CIMAP1D: variants seen among roughly 807,000 people sequenced by gnomAD.
The protein encoded by CIMAP1D is CIMAP1 family member D.
At chr19:477,080 G>A in the CIMAP1D span, among the ~76,000 whole-genome samples, 1 of 152,172 alleles carries the variant, frequency 6.6e-6, no homozygotes, top group Non-Finnish European at 1.5e-5. Context: ...GGTGGTGTGT[G>A]CCTGTAATCC....
chr19:486,132 C>A, the CIMAP1D span, among the ~76,000 whole-genome samples: 1 of 152,218 alleles, frequency 6.6e-6, no homozygotes, highest in Non-Finnish European at 1.5e-5. Context: ...GCACCCAGCC[C>A]ATGCCTGGCA....
the CIMAP1D span, among the ~76,000 whole-genome samples, chr19:485,683 T>C: frequency 6.6e-6 from 1 of 152,172 alleles, no homozygotes; most frequent in Non-Finnish European, 1.5e-5. Flanking sequence ...CCCGACATTC[T>C]TTCCTAAAAC....
At chr19:486,869 G>A in the CIMAP1D span, among the ~76,000 whole-genome samples, 2 of 152,010 alleles carry the variant, frequency 1.3e-5, no homozygotes, top group Non-Finnish European at 2.9e-5. Flanking sequence ...AGCCGAGATT[G>A]TGCCAGTGCA....
the CIMAP1D span, chr19:489,058 G>C: frequency 6.6e-6 from 1 of 152,096 alleles, no homozygotes; most frequent in Admixed American, 6.5e-5. Flanking sequence ...CACACGCCCC[G>C]GCGCCCCGCG....
At chr19:485,182 G>A in the CIMAP1D span, among the ~76,000 whole-genome samples, 5 of 152,152 alleles carry the variant, frequency 3.3e-5, no homozygotes, top group Admixed American at 6.5e-5. Context: ...GGTCATTGCC[G>A]TGCTCTACCA....
chr19:467,377 A>T, the CIMAP1D span, among the ~76,000 whole-genome samples: 2 of 151,500 alleles, frequency 1.3e-5, no homozygotes, highest in African/African-American at 4.9e-5. Flanking sequence ...GTCCCCATTC[A>T]CCTCTCACCT....
At chr19:471,766 A>G in the CIMAP1D span, among the ~76,000 whole-genome samples, 1 of 141,132 alleles carries the variant, frequency 7.1e-6, no homozygotes, top group Middle Eastern at 4.5e-3. Context: ...TTTTAGAGAC[A>G]GAGTCTCACT....
chr19:485,466 T>C, the CIMAP1D span, among the ~76,000 whole-genome samples: 2 of 152,158 alleles, frequency 1.3e-5, no homozygotes, highest in Admixed American at 1.3e-4. Context: ...CTGCTGCCGA[T>C]CCAAGTCCCA....
the CIMAP1D span, among the ~76,000 whole-genome samples, chr19:475,324 G>C: frequency 6.6e-6 from 1 of 152,228 alleles, no homozygotes; most frequent in Non-Finnish European, 1.5e-5. Flanking sequence ...GCCTCTGTTG[G>C]GGGTGGTGAG....
chr19:465,871 G>C, the CIMAP1D span, among the ~76,000 whole-genome samples: 4 of 131,280 alleles, frequency 3.0e-5, no homozygotes, highest in Non-Finnish European at 3.3e-5. Flanking sequence ...TGGGTGGGTG[G>C]ATGGGTGGGT....
the CIMAP1D span, among the ~76,000 whole-genome samples, chr19:480,508 G>GAGAACA: frequency 2.5e-5 from 3 of 118,936 alleles, no homozygotes; most frequent in African/African-American, 1.7e-4. Context: ...GATGGAGAAG[G>GAGAACA]ATGATGGGGA....
At chr19:465,257 G>GTGGA in the CIMAP1D span, among the ~76,000 whole-genome samples, 37 of 135,502 alleles carry the variant, frequency 2.7e-4, no homozygotes, top group East Asian at 1.6e-3. Flanking sequence ...GGGTGGATGG[G>GTGGA]TGGATGGATG....
chr19:463,981 G>A, the CIMAP1D span: 6 of 1,610,474 alleles, frequency 3.7e-6, no homozygotes, highest in Non-Finnish European at 4.2e-6. Context: ...ACCTGCTCTG[G>A]GCAGTGGGCG....
chr19:471,836 G>A, the CIMAP1D span, among the ~76,000 whole-genome samples: 1 of 151,844 alleles, frequency 6.6e-6, no homozygotes, highest in Non-Finnish European at 1.5e-5. Flanking sequence ...TCCGCCTCCC[G>A]GCTTCACGCC....
chr19:488,497 G>A, the CIMAP1D span, among the ~76,000 whole-genome samples: 1 of 152,240 alleles, frequency 6.6e-6, no homozygotes, highest in Non-Finnish European at 1.5e-5. Context: ...ACTCCAGCCT[G>A]GGCGACAGAG....
the CIMAP1D span, among the ~76,000 whole-genome samples, chr19:470,996 A>G: frequency 6.6e-6 from 1 of 152,146 alleles, no homozygotes; most frequent in Non-Finnish European, 1.5e-5. Flanking sequence ...ACAGAGATAC[A>G]CCACAGCCCT....
At chr19:471,443 C>T in the CIMAP1D span, among the ~76,000 whole-genome samples, 6 of 151,916 alleles carry the variant, frequency 3.9e-5, no homozygotes, top group Admixed American at 3.3e-4. Flanking sequence ...CCACTGCGCC[C>T]GGCCCTAAAT....
chr19:490,094 G>A, the CIMAP1D span: 3 of 397,060 alleles, frequency 7.6e-6, no homozygotes, highest in Non-Finnish European at 4.4e-6. Flanking sequence ...GTTGGCTCAC[G>A]CCTGTAATCC....
At chr19:475,011 A>G in the CIMAP1D span, 2 of 372,482 alleles carry the variant, frequency 5.4e-6, no homozygotes, top group Non-Finnish European at 9.6e-6. Flanking sequence ...ATGGTCCAGG[A>G]AAGAGTCCGG....
Sources: gnomAD v4.1 joint callset for allele counts (sites outside exome capture counted in the v4.1 genomes callset) on GRCh38, gnomAD v4.1.1 for gene constraint, MANE v1.5 for transcripts, NCBI Gene and HGNC (gene_info 2026-07-23, HGNC 2026-07-21) for gene names.